The following SORCS3 variants were observed in gnomAD, a reference collection of about 807,000 sequenced individuals.
The protein encoded by SORCS3 is VPS10 domain-containing receptor SorCS3.
SORCS3 carries 57 observed loss-of-function variants against 146.3 expected under a neutral mutation model. The observed-to-expected ratio is 0.39, with a 90% CI of 0.31 to 0.49. The LOEUF (loss-of-function observed/expected upper bound fraction) is 0.49, where lower values mean the gene tolerates loss of function less well. Among genes scored for constraint, SORCS3 ranks in the 20% least tolerant of loss-of-function variants. SORCS3 has a pLI of 0.92. For missense variants in SORCS3, 1,341 were observed against 1,575.5 expected, an observed-to-expected ratio of 0.85 and a Z score of 2.52; for synonymous variants, 653 against 618.5, an observed-to-expected ratio of 1.06 and a Z score of -0.83.
intron 15 of SORCS3, among the ~76,000 whole-genome samples, 173 bp downstream of exon 15, chr10:105,200,289 A>G (rs1021706513): frequency 5.9e-5 from 9 of 152,144 alleles, no homozygotes; most frequent in African/African-American, 1.7e-4. Flanking sequence ...GTAGGGCCAG[A>G]TGATATTTAG....
At position 105,146,283 on chromosome 10, in the gene SORCS3, G is replaced by A. The variant is rs1359800766; in HGVS notation, c.1303-1334G>A. On this transcript the variant is annotated intron_variant, in intron 8 of 26. Coordinates refer to ENST00000369701, the MANE Select transcript of SORCS3 (RefSeq NM_014978.3). ...AGTGCCTACCTACACAGGCAAATGG[G>A]CTTCTATAAATTACTTGGCATTGTA... Among the ~76,000 whole-genome samples the A allele has an allele frequency of 5.9e-5, 9 of 151,894 alleles. No individual in the cohort carries two copies. The South Asian group carries it at 1.9e-3, about 32-fold the overall frequency.
At chr10:104,697,832 C>T (rs190014891) in intron 1 of SORCS3, among the ~76,000 whole-genome samples, 74 of 152,254 alleles carry the variant, frequency 4.9e-4, no homozygotes, top group Non-Finnish European at 8.1e-4. Flanking sequence ...AGAACATGCT[C>T]TATAACATAG....
chr10:104,836,894 A>G (rs2018075386), intron 1 of SORCS3, among the ~76,000 whole-genome samples: 1 of 152,124 alleles, frequency 6.6e-6, no homozygotes, highest in Non-Finnish European at 1.5e-5. Context: ...TTAAAAAGAA[A>G]AAAAAGAAAT....
intron 1 of SORCS3, among the ~76,000 whole-genome samples, chr10:104,745,139 C>T (rs185818488): frequency 2.1e-4 from 32 of 152,238 alleles, no homozygotes; most frequent in African/African-American, 7.7e-4. Flanking sequence ...AGCCTTGGGT[C>T]TTTGCGAGTT....
intron 1 of SORCS3, among the ~76,000 whole-genome samples, chr10:104,687,730 A>G (rs1008874433): frequency 1.3e-5 from 2 of 152,010 alleles, no homozygotes; most frequent in African/African-American, 4.8e-5. Flanking sequence ...GGTGGTGGGG[A>G]GCGGAGGGCT....
intron 9 of SORCS3, among the ~76,000 whole-genome samples, chr10:105,156,514 A>T (rs1027945813): frequency 2.0e-5 from 3 of 152,142 alleles, no homozygotes; most frequent in Non-Finnish European, 2.9e-5. Flanking sequence ...GCATAGTCTC[A>T]TGGATCCTTT....
At chr10:105,138,162 C>G (rs891404770) in intron 7 of SORCS3, among the ~76,000 whole-genome samples, 1 of 152,192 alleles carries the variant, frequency 6.6e-6, no homozygotes. Context: ...AAACCAGTCT[C>G]TCTTCTTGGT....
At chr10:104,913,899 G>A (rs1453787792) in intron 2 of SORCS3, among the ~76,000 whole-genome samples, 1 of 151,470 alleles carries the variant, frequency 6.6e-6, no homozygotes, top group Non-Finnish European at 1.5e-5. Flanking sequence ...GCCTCCCAGA[G>A]CTGGGACTAC....
intron 3 of SORCS3, among the ~76,000 whole-genome samples, chr10:104,916,904 T>TTAC (rs1474053886): frequency 6.6e-6 from 1 of 152,194 alleles, no homozygotes; most frequent in East Asian, 1.9e-4. Context: ...ATTTCTAACA[T>TTAC]GGTAGAGTCC....
intron 1 of SORCS3, among the ~76,000 whole-genome samples, chr10:104,718,581 C>A (rs1303612660): frequency 6.6e-6 from 1 of 152,132 alleles, no homozygotes; most frequent in African/African-American, 2.4e-5. Flanking sequence ...TCTGAGAAAT[C>A]TGATCCCACT....
At chr10:104,689,382 A>G (rs1267082879) in intron 1 of SORCS3, among the ~76,000 whole-genome samples, 1 of 152,126 alleles carries the variant, frequency 6.6e-6, no homozygotes, top group African/African-American at 2.4e-5. Flanking sequence ...GTTGCCATCC[A>G]CATTCCACAA....
intron 14 of SORCS3, among the ~76,000 whole-genome samples, chr10:105,189,997 C>T (rs1269173278): frequency 1.3e-5 from 2 of 152,226 alleles, no homozygotes; most frequent in Non-Finnish European, 2.9e-5. Flanking sequence ...CTCCTTTTTT[C>T]CTCCAACTGT....
At chr10:105,095,241 C>T (rs762955007) in intron 6 of SORCS3, among the ~76,000 whole-genome samples, 2 of 152,134 alleles carry the variant, frequency 1.3e-5, no homozygotes, top group African/African-American at 4.8e-5. Context: ...CCCTGGTCCC[C>T]GATCCAGACT....
intron 1 of SORCS3, among the ~76,000 whole-genome samples, chr10:104,810,913 C>G (rs1409775079): frequency 6.6e-6 from 1 of 152,070 alleles, no homozygotes; most frequent in Non-Finnish European, 1.5e-5. Flanking sequence ...ATAAAAATGT[C>G]TGAGACAGAT....
At chr10:104,905,909 T>G (rs1406679307) in intron 2 of SORCS3, among the ~76,000 whole-genome samples, 1 of 152,172 alleles carries the variant, frequency 6.6e-6, no homozygotes, top group Non-Finnish European at 1.5e-5. Flanking sequence ...TTGAGTGCCT[T>G]CCATGTGCAA....
At chr10:104,932,463 CA>C (rs2019217526) in intron 3 of SORCS3, among the ~76,000 whole-genome samples, 1 of 152,182 alleles carries the variant, frequency 6.6e-6, no homozygotes, top group African/African-American at 2.4e-5. Context: ...CAAAAAGTGA[CA>C]CAGTTAGAAC....
chr10:104,960,775 A>C (rs2054791235), intron 3 of SORCS3, among the ~76,000 whole-genome samples: 1 of 152,168 alleles, frequency 6.6e-6, no homozygotes, highest in African/African-American at 2.4e-5. Context: ...AAATATCCTA[A>C]GTTTGAGGCT....
At chr10:104,857,720 C>T (rs910428502) in intron 2 of SORCS3, among the ~76,000 whole-genome samples, 3 of 141,054 alleles carry the variant, frequency 2.1e-5, no homozygotes, top group African/African-American at 9.7e-5. Flanking sequence ...GTCATTGAGT[C>T]TTACATGGTG....
intron 14 of SORCS3, among the ~76,000 whole-genome samples, chr10:105,198,710 T>A (rs777590700): frequency 4.0e-4 from 61 of 152,250 alleles, no homozygotes; most frequent in Non-Finnish European, 7.6e-4. Flanking sequence ...TCAGAGTTTC[T>A]CCTACCCCAT....
Sources: allele counts gnomAD v4.1 joint callset (sites outside exome capture counted in the v4.1 genomes callset), GRCh38; gene constraint gnomAD v4.1.1; transcripts MANE v1.5; gene names NCBI Gene and HGNC (gene_info 2026-07-23, HGNC 2026-07-21).